Variants in RCL1 observed in about 807,000 individuals in gnomAD.
RCL1 encodes RNA 3'-terminal phosphate cyclase-like protein.
A neutral mutation model predicts 42.4 loss-of-function variants in RCL1; 24 were observed. The ratio of observed to expected loss-of-function variants is 0.57; its 90% confidence interval spans 0.41 to 0.80. The LOEUF (loss-of-function observed/expected upper bound fraction) is 0.80, where lower values mean the gene tolerates loss of function less well. Among genes scored for constraint, RCL1 ranks in the 30% least tolerant of loss-of-function variants. The pLI, the probability that RCL1 is intolerant of heterozygous loss-of-function variation, is 0.00. For missense variants in RCL1, 578 were observed against 467.9 expected (o/e 1.24, Z -2.17); for synonymous variants, 228 against 177.3 (o/e 1.29, Z -2.27).
chr9:4,832,964 A>G (rs1413258339), intron 3 of RCL1, among the ~76,000 whole-genome samples, 190 bp from the exon 4 acceptor site: 1 of 152,192 alleles, frequency 6.6e-6, no homozygotes, highest in African/African-American at 2.4e-5. Flanking sequence ...GGCTCAGAGA[A>G]GCCCAGTGGC....
At chr9:4,846,858 A>G (rs930889864) in intron 7 of RCL1, among the ~76,000 whole-genome samples, 2 of 151,902 alleles carry the variant, frequency 1.3e-5, no homozygotes, top group African/African-American at 2.4e-5. Flanking sequence ...ACAAGAGGAA[A>G]AACATGCAGT....
chr9:4,793,288 G>T, intron 1 of RCL1, 61 bp downstream of exon 1: 2 of 1,512,692 alleles, frequency 1.3e-6, no homozygotes, highest in Non-Finnish European at 1.8e-6. Flanking sequence ...CCGAGCTGAT[G>T]CCGTGGGGGC....
intron 1 of RCL1, among the ~76,000 whole-genome samples, chr9:4,811,387 T>G (rs1482704797): frequency 6.6e-6 from 1 of 152,204 alleles, no homozygotes; most frequent in Non-Finnish European, 1.5e-5. Context: ...CTACCTGTAC[T>G]TTTATATTTG....
intron 1 of RCL1, among the ~76,000 whole-genome samples, chr9:4,817,709 C>A (rs765885364): frequency 6.6e-6 from 1 of 151,944 alleles, no homozygotes; most frequent in South Asian, 2.1e-4. Context: ...GTTGCCCATG[C>A]TGGTCTTGAA....
chr9:4,833,975 G>T (rs1293204873), intron 4 of RCL1, among the ~76,000 whole-genome samples, 166 bp from the exon 5 acceptor site: 1 of 152,196 alleles, frequency 6.6e-6, no homozygotes, highest in Admixed American at 6.5e-5. Flanking sequence ...TACTCTCTAG[G>T]AGCCAACATA....
intron 7 of RCL1, 44 bp from the exon 8 acceptor site, chr9:4,849,403 C>G: frequency 2.0e-6 from 3 of 1,463,632 alleles, no homozygotes; most frequent in Non-Finnish European, 2.9e-6. Context: ...CTTTTGTTGG[C>G]TTTCCATTTT....
rs188719708 is a variant in RCL1 at position 4,802,032 on chromosome 9, C to G, written c.136+8805C>G. ...CCAGCGATTCTCCTGTCTCAGTCTC[C>G]CGAGCATCTGGGATTATAGGTGTGT... On this transcript the variant is annotated intron_variant, in intron 1 of 8. Transcript: ENST00000381750. Among the ~76,000 whole-genome samples, 325 of 151,788 alleles carry G rather than the reference C, an allele frequency of 2.1e-3. 1 individual carries two copies. The highest frequency in any genetic ancestry group is 0.019 in the Admixed American group (285 of 15,258).
chr9:4,858,278 A>G (rs780426105), intron 8 of RCL1, among the ~76,000 whole-genome samples: 7 of 152,018 alleles, frequency 4.6e-5, no homozygotes, highest in South Asian at 2.1e-4. Flanking sequence ...TGACTTGCAG[A>G]TCTTTTCTCC....
In RCL1 at chr9:4,854,138, C is replaced by G. The variant is rs1262491431; in HGVS notation, c.971+4588C>G. Reference sequence around the variant, plus strand: ...TATGGTAAAAGCAAGTGATAGCCTTCCTTCTCAGATAAAAAAGAGGTCACT... The same window carrying G: ...TATGGTAAAAGCAAGTGATAGCCTTGCTTCTCAGATAAAAAAGAGGTCACT... On this transcript the variant is annotated intron_variant, in intron 8 of 8. Coordinates refer to ENST00000381750, the MANE Select transcript of RCL1 (RefSeq NM_005772.5). Among the ~76,000 whole-genome samples, 2 of 152,142 alleles carry G rather than the reference C, an allele frequency of 1.3e-5. 1 individual carries two copies.
intron 7 of RCL1, among the ~76,000 whole-genome samples, chr9:4,847,031 C>T (rs989381945): frequency 1.3e-5 from 2 of 151,926 alleles, no homozygotes; most frequent in African/African-American, 2.4e-5. Context: ...AGGCATGTGC[C>T]ACCACGCCTG....
At chr9:4,858,861 T>A (rs114339861) in intron 8 of RCL1, among the ~76,000 whole-genome samples, 1 of 152,206 alleles carries the variant, frequency 6.6e-6, no homozygotes, top group Non-Finnish European at 1.5e-5. Context: ...CATTCTTCAC[T>A]AAGCCAGTAT....
chr9:4,794,290 C>T (rs746521729), intron 1 of RCL1, among the ~76,000 whole-genome samples: 1 of 152,170 alleles, frequency 6.6e-6, no homozygotes, highest in Non-Finnish European at 1.5e-5. Context: ...CAGAAGATGC[C>T]ATGCTATTGA....
chr9:4,854,125 AAGTGAT>A (rs1817851673), intron 8 of RCL1, among the ~76,000 whole-genome samples: 1 of 152,194 alleles, frequency 6.6e-6, no homozygotes, highest in Non-Finnish European at 1.5e-5. Flanking sequence ...TGGTAAAAGC[AAGTGAT>A]AGCCTTCCTT....
At chr9:4,815,316 T>G (rs1816332445) in intron 1 of RCL1, among the ~76,000 whole-genome samples, 1 of 152,098 alleles carries the variant, frequency 6.6e-6, no homozygotes, top group African/African-American at 2.4e-5. Flanking sequence ...TCATTTCTTA[T>G]TTCTTTGAGT....
intron 8 of RCL1, among the ~76,000 whole-genome samples, chr9:4,850,103 A>G (rs1411035334): frequency 1.3e-5 from 2 of 152,212 alleles, no homozygotes; most frequent in African/African-American, 2.4e-5. Flanking sequence ...GTGTCAGAAG[A>G]CTTGAATTAT....
intron 1 of RCL1, among the ~76,000 whole-genome samples, chr9:4,819,772 A>C (rs972747602): frequency 6.6e-6 from 1 of 152,222 alleles, no homozygotes; most frequent in Non-Finnish European, 1.5e-5. Flanking sequence ...GCGCCACTGC[A>C]CTCCAGCCTG....
rs78734156 is a variant in RCL1, at chr9:4,793,033, C to T, written c.-59C>T. The T allele has an allele frequency of 1.0e-3, 1,554 of 1,552,930 alleles. 24 individuals are homozygous for T. The East Asian group carries it at 0.02, about 20-fold the overall frequency. On this transcript the variant is annotated 5_prime_UTR_variant, in exon 1 of 9. Coordinates refer to ENST00000381750, the MANE Select transcript of RCL1 (RefSeq NM_005772.5). ...ACCACCACCATCGGAGTCACGAGTC[C>T]CGCGTCTGTCCGAAGTCGCCGCTCT...
chr9:4,833,137 C>T lies in RCL1; in HGVS notation c.385-17C>T, dbSNP rs1414078378. 2 of 1,590,504 alleles carry T rather than the reference C, an allele frequency of 1.3e-6. No individual in the cohort carries two copies. Among genetic ancestry groups the T allele is most frequent in the Admixed American group, 3.3e-5 (2 of 59,978 alleles). ...GAAGGCTTAATTAAACTTTTCTTTTCTGAAATAATTTCATAGGTTGATGTT... is the reference window on the plus strand; with the variant it reads ...GAAGGCTTAATTAAACTTTTCTTTTTTGAAATAATTTCATAGGTTGATGTT... On this transcript the variant is annotated splice_polypyrimidine_tract_variant and intron_variant, in intron 3 of 8. Coordinates refer to ENST00000381750, the MANE Select transcript of RCL1 (RefSeq NM_005772.5).
chr9:4,795,542 A>G (rs1287759309), intron 1 of RCL1, among the ~76,000 whole-genome samples: 1 of 152,182 alleles, frequency 6.6e-6, no homozygotes, highest in African/African-American at 2.4e-5. Flanking sequence ...GGTCATAATC[A>G]AGGGAGTCCT....
Sources: gnomAD v4.1 joint callset for allele counts (sites outside exome capture counted in the v4.1 genomes callset) on GRCh38, gnomAD v4.1.1 for gene constraint, MANE v1.5 for transcripts, NCBI Gene and HGNC (gene_info 2026-07-23, HGNC 2026-07-21) for gene names.